TMPRSS15: variants seen among roughly 807,000 people sequenced by gnomAD.
TMPRSS15 encodes transmembrane serine protease 15.
A neutral mutation model predicts 125.3 loss-of-function variants in TMPRSS15; 128 were observed. The observed-to-expected ratio is 1.02, with a 90% CI of 0.89 to 1.18. The LOEUF is 1.18. Among genes scored for constraint, TMPRSS15 ranks in the 50% most tolerant of loss-of-function variants. The pLI is 0.00. For synonymous variants in TMPRSS15, 446 were observed against 423.2 expected, an observed-to-expected ratio of 1.05 and a Z score of -0.66; for missense variants, 1,283 against 1,212.7, an observed-to-expected ratio of 1.06 and a Z score of -0.86.
chr21:18,342,460 C>T (rs977822420), intron 12 of TMPRSS15, among the ~76,000 whole-genome samples: 1 of 152,180 alleles, frequency 6.6e-6, no homozygotes, highest in Non-Finnish European at 1.5e-5. Flanking sequence ...AACAAAATGG[C>T]AAAGCCAAAG....
At chr21:18,410,040 T>C (rs1462147594) in intron 1 of TMPRSS15, among the ~76,000 whole-genome samples, 1 of 151,484 alleles carries the variant, frequency 6.6e-6, no homozygotes, top group East Asian at 1.9e-4. Flanking sequence ...TTATTTTTCA[T>C]TGTTTTCCCA....
intron 13 of TMPRSS15, among the ~76,000 whole-genome samples, chr21:18,338,103 A>C (rs1260606966): frequency 6.6e-6 from 1 of 152,150 alleles, no homozygotes; most frequent in Admixed American, 6.6e-5. Context: ...TTGGAATATA[A>C]ATATGAAGAC....
In TMPRSS15 at chr21:18,270,100, A is replaced by C. The variant is rs143612300; in HGVS notation, c.2929T>G (p.Cys977Gly). The change falls in exon 25 of 25, where the codon TGC becomes GGC. Residue 977 changes from cysteine (C) to glycine (G), a missense_variant. Coordinates refer to ENST00000284885, the MANE Select transcript of TMPRSS15 (RefSeq NM_002772.3). ...CQGDSGGPLM[C>G]QENNRWFLAG... ...AGGAACCACCTGTTGTTTTCTTGGC[A>C]CATTAATGGTCCTCCTGAATCCCCC... The C allele has an allele frequency of 1.1e-5, 17 of 1,614,018 alleles. No homozygotes were observed. Among genetic ancestry groups the C allele is most frequent in the Non-Finnish European group, 1.4e-5 (17 of 1,179,910 alleles).
In TMPRSS15 at chr21:18,451,470, G is replaced by A. The variant is rs181974427; in HGVS notation, c.10+34329C>T. 3.8e-3 allele frequency among the ~76,000 whole-genome samples: 578 copies of A among 151,988 alleles called. 7 individuals carry two copies. Among genetic ancestry groups the A allele is most frequent in the African/African-American group, 0.013 (559 of 41,466 alleles). On this transcript the variant is annotated intron_variant, in intron 1 of 7. Coordinates refer to the TMPRSS15 transcript ENST00000422787. ...AATACATGCAGTTTTAAAATGTAGA[G>A]ACACTGAAAATAAAAGCCAATTTAC...
At chr21:18,462,670 A>AAAACAGT in intron 1 of TMPRSS15, among the ~76,000 whole-genome samples, 1 of 152,310 alleles carries the variant, frequency 6.6e-6, no homozygotes, top group Admixed American at 6.5e-5. Context: ...GCAAGCAAGA[A>AAAACAGT]AAACAGTTGT....
At chr21:18,322,361 A>G (rs1476421962) in intron 16 of TMPRSS15, among the ~76,000 whole-genome samples, 1 of 152,202 alleles carries the variant, frequency 6.6e-6, no homozygotes, top group Non-Finnish European at 1.5e-5. Context: ...ATAATTCAGG[A>G]GCCCCTCTGC....
intron 1 of TMPRSS15, among the ~76,000 whole-genome samples, chr21:18,429,892 T>C (rs1202484086): frequency 1.3e-5 from 2 of 152,216 alleles, no homozygotes; most frequent in Non-Finnish European, 2.9e-5. Context: ...TTAATATATT[T>C]CACATCCATT....
At chr21:18,336,000 C>G (rs1373882469) in intron 13 of TMPRSS15, among the ~76,000 whole-genome samples, 1 of 149,216 alleles carries the variant, frequency 6.7e-6, no homozygotes, top group African/African-American at 2.5e-5. Flanking sequence ...TAATTTCTTA[C>G]TATGCCAATA....
At chr21:18,301,850 A>G (rs2074976753) in intron 18 of TMPRSS15, among the ~76,000 whole-genome samples, 1 of 152,196 alleles carries the variant, frequency 6.6e-6, no homozygotes. Context: ...TACTTTAGGA[A>G]AACTTTATTC....
intron 1 of TMPRSS15, among the ~76,000 whole-genome samples, chr21:18,483,540 C>T (rs147859655): frequency 1.3e-3 from 194 of 151,854 alleles, no homozygotes; most frequent in African/African-American, 4.6e-3. Context: ...TATTGGCAAA[C>T]CTGTAAAATT....
intron 22 of TMPRSS15, among the ~76,000 whole-genome samples, chr21:18,279,585 C>T (rs573654669): frequency 1.6e-4 from 24 of 151,516 alleles, no homozygotes; most frequent in Middle Eastern, 6.9e-3. Flanking sequence ...CTGCCCACCT[C>T]GGCCTCCCAA....
intron 7 of TMPRSS15, among the ~76,000 whole-genome samples, chr21:18,361,885 A>T (rs1400049089): frequency 3.2e-5 from 1 of 31,446 alleles, no homozygotes; most frequent in African/African-American, 1.1e-4. Flanking sequence ...TAGGTTATTA[A>T]AAAAAAAACA....
intron 1 of TMPRSS15, among the ~76,000 whole-genome samples, chr21:18,434,720 C>T (rs1314401550): frequency 6.6e-6 from 1 of 152,018 alleles, no homozygotes; most frequent in Non-Finnish European, 1.5e-5. Context: ...TGATAAACAT[C>T]TTAATCCATC....
upstream of TMPRSS15, among the ~76,000 whole-genome samples, chr21:18,407,971 G>T (rs1040223999): frequency 1.3e-5 from 2 of 152,140 alleles, no homozygotes; most frequent in Non-Finnish European, 2.9e-5. Context: ...ATTCTGGTTA[G>T]GTGAATAATG....
At chr21:18,388,941 AC>A (rs2075968294) in intron 3 of TMPRSS15, among the ~76,000 whole-genome samples, 1 of 152,140 alleles carries the variant, frequency 6.6e-6, no homozygotes, top group South Asian at 2.1e-4. Context: ...CACTCTGGAA[AC>A]AGAGGGAAGG....
At chr21:18,417,419 A>G (rs1287554263) in intron 1 of TMPRSS15, among the ~76,000 whole-genome samples, 3 of 152,174 alleles carry the variant, frequency 2.0e-5, no homozygotes, top group African/African-American at 4.8e-5. Flanking sequence ...ATAAACAAAG[A>G]TGGCATGAAT....
intron 3 of TMPRSS15, among the ~76,000 whole-genome samples, chr21:18,385,803 G>A (rs2075938726): frequency 6.6e-6 from 1 of 152,040 alleles, no homozygotes; most frequent in South Asian, 2.1e-4. Context: ...GAGTGCAGCG[G>A]CACGATCTCC....
At chr21:18,319,521 C>T (rs1014426926) in intron 16 of TMPRSS15, among the ~76,000 whole-genome samples, 9 of 151,260 alleles carry the variant, frequency 6.0e-5, no homozygotes, top group Non-Finnish European at 1.0e-4. Flanking sequence ...CTCCGCCTCC[C>T]GGGTTCAAGT....
chr21:18,397,151 G>C (rs1171867965), intron 3 of TMPRSS15, among the ~76,000 whole-genome samples: 1 of 151,286 alleles, frequency 6.6e-6, no homozygotes, highest in Non-Finnish European at 1.5e-5. Context: ...TAACTTTCCA[G>C]TTGACTTGTA....
Sources: gnomAD v4.1 joint callset for allele counts (sites outside exome capture counted in the v4.1 genomes callset) on GRCh38, gnomAD v4.1.1 for gene constraint, MANE v1.5 for transcripts, NCBI Gene and HGNC (gene_info 2026-07-23, HGNC 2026-07-21) for gene names.